The following SHISA6 variants were observed in gnomAD, a reference collection of about 807,000 sequenced individuals.
The protein encoded by SHISA6 is protein shisa-6.
Under a neutral mutation model 47.9 loss-of-function variants are expected in SHISA6, and 22 were observed. The observed-to-expected ratio is 0.46, with a 90% CI of 0.33 to 0.66. The LOEUF (loss-of-function observed/expected upper bound fraction) is 0.66. Among genes scored for constraint, SHISA6 ranks in the 30% least tolerant of loss-of-function variants. The pLI is 0.02. For synonymous variants in SHISA6, 388 were observed against 337.8 expected, an observed-to-expected ratio of 1.15 and a Z score of -1.63; for missense variants, 680 against 764.6, an observed-to-expected ratio of 0.89 and a Z score of 1.30.
In SHISA6 at chr17:11,241,513, G is replaced by A; in HGVS notation, c.91G>A (p.Ala31Thr). ...CGTCCACGGAGCCCGCGGCCGCGCC[G>A]CCAACCGGACCCTGAGTGCAGGCGG... is the stretch of plus-strand genomic sequence containing the variant. Reference protein sequence around the residue: ...PSVHGARGRAANRTLSAGGAA... With the variant: ...PSVHGARGRATNRTLSAGGAA... Residue 31 changes from alanine (A) to threonine (T), a missense_variant, in exon 1 of 6, where the codon GCC becomes ACC. Ala to Thr is a moderately conservative substitution (Grantham distance 58). Transcript: ENST00000441885. The surrounding 1 kb of genome is among the most constrained non-coding windows in gnomAD (Gnocchi z 5.5). The A allele has an allele frequency of 8.7e-6, 10 of 1,144,806 alleles. No homozygotes were observed. Among genetic ancestry groups the A allele is most frequent in the Middle Eastern group, 3.9e-4 (1 of 2,574 alleles). 70.9% of individuals were successfully genotyped at this position (1,144,806 alleles called of 1,614,324 possible). A position where few individuals can be genotyped will look rare whatever the true frequency, so the allele number is the denominator to read the frequency against.
intron 3 of SHISA6, among the ~76,000 whole-genome samples, chr17:11,462,452 G>C (rs1160400209): frequency 3.3e-5 from 5 of 152,138 alleles, no homozygotes; most frequent in Non-Finnish European, 7.3e-5. Flanking sequence ...ACCAAATACA[G>C]AGTGCCAGGC....
intron 2 of SHISA6, among the ~76,000 whole-genome samples, chr17:11,299,787 G>A (rs1190356894): frequency 6.6e-6 from 1 of 152,078 alleles, no homozygotes; most frequent in Non-Finnish European, 1.5e-5. Flanking sequence ...CACAATCCAG[G>A]GTGGTCTCCT....
intron 3 of SHISA6, among the ~76,000 whole-genome samples, chr17:11,404,010 C>T (rs1913863397): frequency 6.6e-6 from 1 of 152,160 alleles, no homozygotes; most frequent in Non-Finnish European, 1.5e-5. Flanking sequence ...CACCTGCTGT[C>T]TTATTCCTGC....
intron 5 of SHISA6, among the ~76,000 whole-genome samples, chr17:11,557,354 A>G (rs944910016): frequency 6.6e-6 from 1 of 152,162 alleles, no homozygotes; most frequent in South Asian, 2.1e-4. Context: ...ACGGCCCAGG[A>G]CCAGGCGGAG....
chr17:11,437,619 A>G (rs1454431806), intron 3 of SHISA6, among the ~76,000 whole-genome samples: 1 of 152,216 alleles, frequency 6.6e-6, no homozygotes. Flanking sequence ...TTTAGCAGTC[A>G]GATAGGAAGA....
intron 2 of SHISA6, among the ~76,000 whole-genome samples, chr17:11,281,134 A>G (rs1230576985): frequency 6.6e-6 from 1 of 152,098 alleles, no homozygotes; most frequent in Non-Finnish European, 1.5e-5. Context: ...TTCTTCCCTT[A>G]TTATTTAGAT....
intron 2 of SHISA6, among the ~76,000 whole-genome samples, chr17:11,365,273 A>AATT (rs918710064): frequency 1.1e-4 from 17 of 151,706 alleles, no homozygotes; most frequent in South Asian, 2.1e-4. Flanking sequence ...TATTGGTTGA[A>AATT]ATTATTATTA....
At chr17:11,253,739 T>C (rs1907905048) in intron 1 of SHISA6, among the ~76,000 whole-genome samples, 1 of 152,196 alleles carries the variant, frequency 6.6e-6, no homozygotes, top group African/African-American at 2.4e-5. Flanking sequence ...TTCTTTTCTT[T>C]TTCTATTTCC....
chr17:11,242,183 A>G, intron 1 of SHISA6, 123 bp downstream of exon 1: 1 of 1,313,484 alleles, frequency 7.6e-7, no homozygotes, highest in Non-Finnish European at 1.0e-6. Flanking sequence ...CATTTCCACC[A>G]TCGCTCCTTT....
At chr17:11,535,662 C>T (rs181645290) in intron 3 of SHISA6, among the ~76,000 whole-genome samples, 82 of 152,302 alleles carry the variant, frequency 5.4e-4, no homozygotes, top group Non-Finnish European at 1.0e-3. Flanking sequence ...TCTGGCAAAA[C>T]CACATTATAG....
intron 3 of SHISA6, among the ~76,000 whole-genome samples, chr17:11,387,032 T>C (rs1913217923): frequency 6.6e-6 from 1 of 152,132 alleles, no homozygotes; most frequent in Non-Finnish European, 1.5e-5. Flanking sequence ...CCCAGAGAAG[T>C]AGCATAAGGG....
intron 3 of SHISA6, among the ~76,000 whole-genome samples, chr17:11,465,005 A>G (rs1020575845): frequency 1.3e-5 from 2 of 151,722 alleles, no homozygotes; most frequent in Non-Finnish European, 2.9e-5. Flanking sequence ...CCACTTGATT[A>G]TGTTTCTAGT....
chr17:11,380,717 G>C (rs913048456), intron 3 of SHISA6, among the ~76,000 whole-genome samples: 1 of 152,176 alleles, frequency 6.6e-6, no homozygotes, highest in African/African-American at 2.4e-5. Context: ...CCTGTGGGTT[G>C]GGAACCTGAG....
intron 3 of SHISA6, among the ~76,000 whole-genome samples, chr17:11,514,325 T>C (rs1445779720): frequency 1.3e-5 from 2 of 152,228 alleles, no homozygotes; most frequent in African/African-American, 4.8e-5. Context: ...GGACTTCCTA[T>C]GTTTCAAGTA....
At chr17:11,439,952 T>C (rs1210740993) in intron 3 of SHISA6, among the ~76,000 whole-genome samples, 1 of 152,194 alleles carries the variant, frequency 6.6e-6, no homozygotes, top group Non-Finnish European at 1.5e-5. Context: ...TGGACCCTAA[T>C]TGCACTTTGG....
chr17:11,371,272 T>C (rs1381829520), intron 2 of SHISA6, among the ~76,000 whole-genome samples: 1 of 152,080 alleles, frequency 6.6e-6, no homozygotes, highest in Non-Finnish European at 1.5e-5. Context: ...CCCCTTCTCA[T>C]TGTATAGTCA....
intron 3 of SHISA6, among the ~76,000 whole-genome samples, chr17:11,494,532 A>G (rs1405986413): frequency 6.6e-6 from 1 of 152,224 alleles, no homozygotes; most frequent in Admixed American, 6.5e-5. Flanking sequence ...AAACAGTTGC[A>G]CCAAGTCTAG....
At chr17:11,525,393 G>A (rs1167224297) in intron 3 of SHISA6, among the ~76,000 whole-genome samples, 4 of 152,090 alleles carry the variant, frequency 2.6e-5, no homozygotes, top group Non-Finnish European at 4.4e-5. Context: ...CCAGCACTTT[G>A]GGAGGCCAAG....
intron 3 of SHISA6, among the ~76,000 whole-genome samples, chr17:11,484,269 G>T (rs1453430383): frequency 1.3e-5 from 2 of 152,078 alleles, no homozygotes; most frequent in African/African-American, 4.8e-5. Context: ...CAAAAATTGT[G>T]GCTTAAATAA....
Sources: gnomAD v4.1 joint callset for allele counts (sites outside exome capture counted in the v4.1 genomes callset) on GRCh38, gnomAD v4.1.1 for gene constraint, Gnocchi (gnomAD v3.1) non-coding constraint, MANE v1.5 for transcripts, NCBI Gene and HGNC (gene_info 2026-07-23, HGNC 2026-07-21) for gene names.